The following MDGA2 variants were observed in gnomAD, a reference collection of about 807,000 sequenced individuals.
MDGA2 encodes the protein MAM domain containing glycosylphosphatidylinositol anchor 2, also known as MAM domain-containing glycosylphosphatidylinositol anchor protein 2.
MDGA2 carries 40 observed loss-of-function variants against 117.8 expected under a neutral mutation model. The ratio of observed to expected loss-of-function variants is 0.34; its 90% CI spans 0.26 to 0.44. The LOEUF is 0.44. Among genes scored for constraint, MDGA2 ranks in the 20% least tolerant of loss-of-function variants. The probability of loss-of-function intolerance (pLI) is 1.00; values close to 1 mark genes in which losing one functional copy is unlikely to be tolerated. For synonymous variants in MDGA2, 452 were observed against 439.0 expected (o/e 1.03, Z -0.37); for missense variants, 1,123 against 1,250.6 (o/e 0.90, Z 1.54).
intron 1 of MDGA2, among the ~76,000 whole-genome samples, chr14:47,591,211 G>C (rs1216588340): frequency 6.6e-6 from 1 of 152,024 alleles, no homozygotes; most frequent in Non-Finnish European, 1.5e-5. Context: ...GAAAATTCAG[G>C]TTTAAATTCT....
intron 1 of MDGA2, among the ~76,000 whole-genome samples, chr14:47,349,177 C>A (rs765885875): frequency 6.6e-6 from 1 of 152,082 alleles, no homozygotes; most frequent in Non-Finnish European, 1.5e-5. Flanking sequence ...AGAAATACAA[C>A]GTGATAGGGA....
At chr14:47,071,902 G>T (rs1383773475) in intron 6 of MDGA2, among the ~76,000 whole-genome samples, 2 of 152,018 alleles carry the variant, frequency 1.3e-5, no homozygotes, top group Non-Finnish European at 2.9e-5. Context: ...CACAATCCTA[G>T]TTGTCAATCT....
chr14:47,055,839 T>C (rs543881794), intron 7 of MDGA2, among the ~76,000 whole-genome samples: 1 of 152,250 alleles, frequency 6.6e-6, no homozygotes, highest in East Asian at 1.9e-4. Flanking sequence ...ATGGAAACCA[T>C]ATGGCCTGAA....
chr14:47,594,960 C>A (rs752788150), intron 1 of MDGA2, among the ~76,000 whole-genome samples: 1 of 152,062 alleles, frequency 6.6e-6, no homozygotes, highest in African/African-American at 2.4e-5. Context: ...TTTATTAGTA[C>A]TTATTCTCCT....
chr14:47,170,423 T>A (rs1261539884), intron 3 of MDGA2, among the ~76,000 whole-genome samples: 1 of 152,124 alleles, frequency 6.6e-6, no homozygotes, highest in Non-Finnish European at 1.5e-5. Flanking sequence ...GCATTTGACA[T>A]TTCACCCAAC....
chr14:46,931,346 A>G (rs1245286460), intron 9 of MDGA2, among the ~76,000 whole-genome samples: 2 of 151,936 alleles, frequency 1.3e-5, no homozygotes, highest in Non-Finnish European at 2.9e-5. Flanking sequence ...AATTTTGTCA[A>G]TTGAAAGAAT....
chr14:46,878,502 G>T (rs537753471), intron 11 of MDGA2, among the ~76,000 whole-genome samples: 1 of 151,822 alleles, frequency 6.6e-6, no homozygotes, highest in South Asian at 2.1e-4. Flanking sequence ...AAACTCTGAC[G>T]GGCAAAAATA....
chr14:47,629,936 T>G (rs947532781), intron 1 of MDGA2, among the ~76,000 whole-genome samples: 5 of 152,178 alleles, frequency 3.3e-5, no homozygotes, highest in Non-Finnish European at 7.3e-5. Flanking sequence ...AGATTCTGCA[T>G]GTCCAATAAG....
chr14:47,313,660 T>C (rs1487020569), intron 1 of MDGA2, among the ~76,000 whole-genome samples: 1 of 152,168 alleles, frequency 6.6e-6, no homozygotes, highest in Admixed American at 6.6e-5. Context: ...TAAATTATTT[T>C]AAAAGAAATT....
At chr14:47,176,391 C>T (rs1403787052) in intron 3 of MDGA2, among the ~76,000 whole-genome samples, 1 of 152,152 alleles carries the variant, frequency 6.6e-6, no homozygotes, top group African/African-American at 2.4e-5. Flanking sequence ...CGCTACCTGA[C>T]CTCAAACTAT....
intron 5 of MDGA2, among the ~76,000 whole-genome samples, chr14:47,101,098 TAGATAGATAGATAGATAGATAGATAGAC>T (rs1426793981): frequency 3.2e-5 from 4 of 123,378 alleles, no homozygotes; most frequent in African/African-American, 1.3e-4. Flanking sequence ...GATAGATAGA[TAGATAGATAGATAGATAGATAGATAGAC>T]AGATAGATAG....
chr14:47,328,877 G>C (rs1890217262), intron 1 of MDGA2, among the ~76,000 whole-genome samples: 2 of 152,026 alleles, frequency 1.3e-5, no homozygotes, highest in Non-Finnish European at 2.9e-5. Context: ...TGTTTTGGAA[G>C]GCACTGCATC....
At position 46,985,373 on chromosome 14, in the gene MDGA2, T is replaced by C. The variant is rs531965133; in HGVS notation, c.1820-27730A>G. On this transcript the variant is annotated intron_variant, in intron 8 of 16. Coordinates refer to ENST00000399232, the MANE Select transcript of MDGA2 (RefSeq NM_001113498.3). ...TCCAGCACAAGTACTTAAGTATATGTAGGAGTCTGTTGAAAAGAACTGAAC... is the reference window on the plus strand; with the variant it reads ...TCCAGCACAAGTACTTAAGTATATGCAGGAGTCTGTTGAAAAGAACTGAAC... 2.0e-5 allele frequency among the ~76,000 whole-genome samples: 3 copies of C among 152,204 alleles called. No homozygotes were observed. In the East Asian group the frequency reaches 5.8e-4, roughly 29 times the overall value.
chr14:47,393,388 T>C (rs1227990321), intron 1 of MDGA2, among the ~76,000 whole-genome samples: 1 of 99,470 alleles, frequency 1.0e-5, no homozygotes, highest in Non-Finnish European at 2.0e-5. Context: ...AATTTTAAAG[T>C]TTTTAAATTG....
At chr14:47,609,956 C>T (rs1896818206) in intron 1 of MDGA2, among the ~76,000 whole-genome samples, 1 of 151,946 alleles carries the variant, frequency 6.6e-6, no homozygotes, top group Non-Finnish European at 1.5e-5. Context: ...AACATAGATG[C>T]TAAAATCCTT....
intron 1 of MDGA2, among the ~76,000 whole-genome samples, chr14:47,321,069 T>C (rs1366894367): frequency 6.6e-6 from 1 of 152,162 alleles, no homozygotes; most frequent in African/African-American, 2.4e-5. Flanking sequence ...AGCATATAGG[T>C]GACTACACAG....
chr14:46,876,196 G>A (rs1381231516), intron 12 of MDGA2, among the ~76,000 whole-genome samples: 3 of 151,078 alleles, frequency 2.0e-5, no homozygotes, highest in Non-Finnish European at 4.4e-5. Flanking sequence ...TTCCTTCTAA[G>A]GACATATATC....
chr14:46,997,781 T>C (rs1053336458), intron 8 of MDGA2, among the ~76,000 whole-genome samples: 5 of 152,112 alleles, frequency 3.3e-5, no homozygotes, highest in African/African-American at 4.8e-5. Flanking sequence ...ATTCACATGC[T>C]TAATAAAACT....
intron 1 of MDGA2, among the ~76,000 whole-genome samples, chr14:47,402,167 A>C (rs1021052337): frequency 3.9e-5 from 6 of 152,154 alleles, no homozygotes; most frequent in African/African-American, 7.2e-5. Flanking sequence ...GCACATCTTT[A>C]AAAGGCATTA....
Sources: gnomAD v4.1 joint callset for allele counts (sites outside exome capture counted in the v4.1 genomes callset) on GRCh38, gnomAD v4.1.1 for gene constraint, MANE v1.5 for transcripts, NCBI Gene and HGNC (gene_info 2026-07-23, HGNC 2026-07-21) for gene names.